Variants in ATP8A2 observed in about 807,000 individuals in gnomAD.
ATP8A2 encodes phospholipid-transporting ATPase IB.
Under a neutral mutation model 165.6 loss-of-function variants are expected in ATP8A2, and 100 were observed. That is an observed-to-expected ratio of 0.60 (90% CI 0.51 to 0.71). The LOEUF is 0.71. Among genes scored for constraint, ATP8A2 ranks in the 30% least tolerant of loss-of-function variants. The pLI, the probability that ATP8A2 is intolerant of heterozygous loss-of-function variation, is 0.00. For synonymous variants in ATP8A2, 543 were observed against 548.8 expected, an observed-to-expected ratio of 0.99 and a Z score of 0.15; for missense variants, 1,227 against 1,479.5, an observed-to-expected ratio of 0.83 and a Z score of 2.80.
At chr13:25,509,324 A>G (rs2037145987) in intron 2 of ATP8A2, among the ~76,000 whole-genome samples, 2 of 152,204 alleles carry the variant, frequency 1.3e-5, no homozygotes, top group Non-Finnish European at 2.9e-5. Flanking sequence ...TAAGTTGTGG[A>G]GCTGAAAGAA....
chr13:25,844,160 G>A (rs1049292844), intron 30 of ATP8A2, among the ~76,000 whole-genome samples: 1 of 152,084 alleles, frequency 6.6e-6, no homozygotes, highest in Non-Finnish European at 1.5e-5. Context: ...CAGAGGACCA[G>A]GATATGTCAG....
chr13:25,413,467 A>G (rs1373841359), intron 1 of ATP8A2, among the ~76,000 whole-genome samples: 4 of 151,612 alleles, frequency 2.6e-5, no homozygotes, highest in African/African-American at 9.7e-5. Context: ...TTTCTAGTAG[A>G]GACGGAGTTT....
At chr13:25,984,645 A>G (rs1256169007) in intron 35 of ATP8A2, among the ~76,000 whole-genome samples, 1 of 152,048 alleles carries the variant, frequency 6.6e-6, no homozygotes. Flanking sequence ...GAAACAAAAC[A>G]AAAAAACAAA....
rs539058151 is a variant in ATP8A2 at position 25,695,081 on chromosome 13, G to A, written c.2212-4092G>A. ...TACCTCAGAGATATTGCAGATTTGG[G>A]ACCAGTCCATAGCAATAAAGCAAAT... On this transcript the variant is annotated intron_variant, in intron 24 of 36. Transcript: ENST00000381655. Among the ~76,000 whole-genome samples, 534 of 151,630 alleles carry A rather than the reference G, an allele frequency of 3.5e-3. 5 individuals carry two copies. The highest frequency in any genetic ancestry group is 6.0e-3 in the Non-Finnish European group (410 of 67,984).
chr13:25,837,495 C>T (rs575819637), intron 29 of ATP8A2, among the ~76,000 whole-genome samples: 44 of 151,702 alleles, frequency 2.9e-4, no homozygotes, highest in East Asian at 7.8e-4. Flanking sequence ...GAATTCAAGA[C>T]GCCTTCTCAG....
chr13:25,610,515 T>C (rs1310114149), intron 24 of ATP8A2, among the ~76,000 whole-genome samples: 1 of 152,208 alleles, frequency 6.6e-6, no homozygotes, highest in Non-Finnish European at 1.5e-5. Context: ...TTGTTGACGA[T>C]AGCCTTATAG....
intron 33 of ATP8A2, among the ~76,000 whole-genome samples, chr13:25,874,916 A>G (rs1952785413): frequency 2.6e-5 from 4 of 152,190 alleles, no homozygotes; most frequent in Admixed American, 2.6e-4. Flanking sequence ...ACCATTCTAC[A>G]ACATGGTTAA....
intron 25 of ATP8A2, among the ~76,000 whole-genome samples, chr13:25,711,128 G>A (rs957803782): frequency 7.9e-5 from 12 of 151,902 alleles, no homozygotes; most frequent in East Asian, 3.9e-4. Flanking sequence ...CTCAGCCTCC[G>A]TAGTAGCTGG....
chr13:26,015,594 G>GA (rs201613602), intron 36 of ATP8A2, among the ~76,000 whole-genome samples: 2,747 of 150,146 alleles, frequency 0.018, 83 homozygotes, highest in African/African-American at 0.06. Flanking sequence ...CCAAAATAAT[G>GA]AAAAAAAAAG....
chr13:25,418,340 A>G (rs770853202), intron 1 of ATP8A2, among the ~76,000 whole-genome samples: 2 of 152,188 alleles, frequency 1.3e-5, no homozygotes, highest in Admixed American at 6.5e-5. Flanking sequence ...GATAAATGGC[A>G]GTACCCTATA....
At chr13:25,564,054 A>C in intron 16 of ATP8A2, 23 bp downstream of exon 16, 1 of 1,554,698 alleles carries the variant, frequency 6.4e-7, no homozygotes, top group Non-Finnish European at 8.9e-7. Flanking sequence ...TTTTACTTCG[A>C]AGACAGCAAA....
Position 25,555,068 on chromosome 13 carries a change from G to A in ATP8A2, c.1263G>A (p.Gln421=). ...CAAACCTTAATGAAGAGCTTGGGCA[G>A]GTGAAAAAGCCTCTGGGAACTTTGG... is the stretch of plus-strand genomic sequence containing the variant. The part of the protein sequence containing the change: ...RTSNLNEELG[Q]VKYLFSDKTG... Residue 421 remains glutamine (Q), a splice_region_variant and synonymous_variant, in exon 13 of 37, where the codon CAG becomes CAA. Transcript: ENST00000381655. 6.2e-7 allele frequency: 1 copy of A among 1,610,114 alleles called. No homozygotes were observed. Among genetic ancestry groups the A allele is most frequent in the Non-Finnish European group, 8.5e-7 (1 of 1,176,654 alleles).
At chr13:25,921,360 G>A (rs1272729494) in intron 33 of ATP8A2, among the ~76,000 whole-genome samples, 2 of 151,900 alleles carry the variant, frequency 1.3e-5, no homozygotes, top group African/African-American at 2.4e-5. Context: ...GCTCACACCT[G>A]TAATCCCAGC....
chr13:25,513,822 C>T (rs895390907), intron 2 of ATP8A2, among the ~76,000 whole-genome samples: 70 of 152,332 alleles, frequency 4.6e-4, no homozygotes, highest in African/African-American at 1.3e-3. Flanking sequence ...TCAGGCGTGG[C>T]GGCGCGCGCC....
intron 25 of ATP8A2, among the ~76,000 whole-genome samples, chr13:25,727,276 T>C (rs576854629): frequency 5.1e-4 from 78 of 152,306 alleles, no homozygotes; most frequent in African/African-American, 1.8e-3. Flanking sequence ...TTTGAATATA[T>C]TGGAACATTA....
intron 30 of ATP8A2, among the ~76,000 whole-genome samples, chr13:25,847,513 T>G (rs1051040998): frequency 2.0e-5 from 3 of 152,184 alleles, no homozygotes; most frequent in Admixed American, 1.3e-4. Context: ...GTTGCGCGTA[T>G]TTTAGACAGT....
chr13:25,964,743 G>A (rs1414298283), intron 34 of ATP8A2, among the ~76,000 whole-genome samples: 2 of 152,230 alleles, frequency 1.3e-5, no homozygotes, highest in Non-Finnish European at 2.9e-5. Context: ...ACCCTGTGAT[G>A]GCAGCATGTG....
At chr13:25,513,909 A>G (rs2037372744) in intron 2 of ATP8A2, among the ~76,000 whole-genome samples, 1 of 149,416 alleles carries the variant, frequency 6.7e-6, no homozygotes, top group South Asian at 2.2e-4. Flanking sequence ...TGGGAGCAGT[A>G]AAGTCCAGCT....
intron 24 of ATP8A2, among the ~76,000 whole-genome samples, chr13:25,663,911 A>T (rs959053080): frequency 1.3e-5 from 2 of 152,150 alleles, no homozygotes; most frequent in African/African-American, 4.8e-5. Context: ...TTAATTAGAA[A>T]CTATAGAAAT....
Sources: gnomAD v4.1 joint callset for allele counts (sites outside exome capture counted in the v4.1 genomes callset) on GRCh38, gnomAD v4.1.1 for gene constraint, MANE v1.5 for transcripts, NCBI Gene and HGNC (gene_info 2026-07-23, HGNC 2026-07-21) for gene names.